The following PTPN2 variants were observed in gnomAD, a reference collection of about 807,000 sequenced individuals.
PTPN2 encodes the protein tyrosine-protein phosphatase non-receptor type 2.
PTPN2 carries 19 observed loss-of-function variants against 57.3 expected under a neutral mutation model. The ratio of observed to expected loss-of-function variants is 0.33; its 90% CI spans 0.23 to 0.49. PTPN2 has a LOEUF of 0.49. Ranked by LOEUF, PTPN2 falls within the 20% of genes least tolerant of loss-of-function variation. PTPN2 has a pLI of 0.99. For synonymous variants in PTPN2, 153 were observed against 164.9 expected (o/e 0.93, Z 0.55); for missense variants, 358 against 501.1 (o/e 0.71, Z 2.73).
At chr18:12,786,907 C>T (rs1187456713) in intron 9 of PTPN2, 1 of 152,128 alleles carries the variant, frequency 6.6e-6, no homozygotes, top group East Asian at 1.9e-4. Flanking sequence ...AATGTGAGCC[C>T]ACAACTACTA....
At chr18:12,857,919 T>A (rs2043650274) in intron 2 of PTPN2, among the ~76,000 whole-genome samples, 1 of 152,264 alleles carries the variant, frequency 6.6e-6, no homozygotes, top group South Asian at 2.1e-4. Context: ...TTTCAGAGAC[T>A]GCTTCTCATT....
At chr18:12,849,080 T>A (rs1011961200) in intron 2 of PTPN2, among the ~76,000 whole-genome samples, 3 of 152,224 alleles carry the variant, frequency 2.0e-5, no homozygotes, top group African/African-American at 4.8e-5. Flanking sequence ...TTTAAAACAA[T>A]GCTTTCATCA....
At chr18:12,841,031 C>A (rs1315662840) in intron 2 of PTPN2, 2 of 1,346,446 alleles carry the variant, frequency 1.5e-6, no homozygotes, top group East Asian at 5.2e-5. Context: ...AAAGGTAAGA[C>A]ATTATTTGTT....
At chr18:12,851,121 A>G (rs2043380125) in intron 2 of PTPN2, among the ~76,000 whole-genome samples, 1 of 152,256 alleles carries the variant, frequency 6.6e-6, no homozygotes. Context: ...AGTCCTAGAA[A>G]AATGTGCATT....
chr18:12,792,967 G>A lies in PTPN2; in HGVS notation c.*1311C>T, dbSNP rs540981674. 42 of 984,398 alleles carry A rather than the reference G, an allele frequency of 4.3e-5. No individual in the cohort carries two copies. The South Asian group carries it at 1.8e-3, about 43-fold the overall frequency. 61.0% of individuals were successfully genotyped at this position (984,398 alleles called of 1,614,324 possible). A position where few individuals can be genotyped will look rare whatever the true frequency, so the allele number is the denominator to read the frequency against. ...AGAAATCTTATGTGGCATATAAAGA[G>A]ACAAGGCAGAGATGCTGTGGTTGAA... On this transcript the variant is annotated 3_prime_UTR_variant, in exon 9 of 9. Coordinates refer to ENST00000309660, the MANE Select transcript of PTPN2 (RefSeq NM_002828.4).
At chr18:12,845,015 A>G (rs2043167456) in intron 2 of PTPN2, among the ~76,000 whole-genome samples, 1 of 152,164 alleles carries the variant, frequency 6.6e-6, no homozygotes, top group Non-Finnish European at 1.5e-5. Context: ...TGACTTATGT[A>G]TTTATCCCTC....
At chr18:12,867,391 T>C (rs533334453) in intron 1 of PTPN2, among the ~76,000 whole-genome samples, 1 of 152,188 alleles carries the variant, frequency 6.6e-6, no homozygotes, top group East Asian at 1.9e-4. Flanking sequence ...TTTGCCAATA[T>C]TTCTCAAGAA....
intron 8 of PTPN2, among the ~76,000 whole-genome samples, chr18:12,796,192 C>T (rs1247197509): frequency 1.3e-5 from 2 of 152,034 alleles, no homozygotes; most frequent in African/African-American, 4.8e-5. Flanking sequence ...TTAAAGGAGA[C>T]CAAAGAATCA....
chr18:12,846,664 TCTC>T (rs2043220059), intron 2 of PTPN2, among the ~76,000 whole-genome samples: 1 of 152,158 alleles, frequency 6.6e-6, no homozygotes, highest in Admixed American at 6.5e-5. Context: ...AAAGCTCTAT[TCTC>T]CTCCTAGTGG....
In PTPN2 at chr18:12,824,299, C is replaced by T. The variant is rs553111489; in HGVS notation, c.495+1511G>A. Among the ~76,000 whole-genome samples the T allele has an allele frequency of 7.2e-5, 11 of 152,220 alleles. No individual in the cohort carries two copies. In the East Asian group the frequency reaches 1.9e-3, roughly 27 times the overall value. ...TATAATAAGCTTAGTACGGATGTCA[C>T]GGGAAGCTGGACAGAAGGAAAACCA... On this transcript the variant is annotated intron_variant, in intron 5 of 8. Transcript: ENST00000309660.
intron 4 of PTPN2, among the ~76,000 whole-genome samples, chr18:12,827,551 C>CT (rs1165582627): frequency 2.0e-5 from 3 of 151,696 alleles, no homozygotes; most frequent in Non-Finnish European, 2.9e-5. Flanking sequence ...CACCTGGCTA[C>CT]TTTTTGTATT....
At chr18:12,817,071 A>G (rs1346761398) in intron 6 of PTPN2, 85 bp downstream of exon 6, 1 of 1,263,182 alleles carries the variant, frequency 7.9e-7, no homozygotes, top group Non-Finnish European at 1.1e-6. Context: ...TCTGGGATAC[A>G]GCATCAGAGT....
Position 12,870,441 on chromosome 18 carries a change from G to GTA in PTPN2, c.70-11189_70-11188dup, listed in dbSNP as rs577107678. Among the ~76,000 whole-genome samples, 82 of 24,570 alleles carry GTA rather than the reference G, an allele frequency of 3.3e-3. 2 individuals carry two copies. The highest frequency in any genetic ancestry group is 9.9e-3 in the Admixed American group (15 of 1,522). 16.1% of individuals were successfully genotyped at this position (24,570 alleles called of 152,430 possible). ...TATATATATACGTATATATATATGT[G>GTA]TATATATATATATATATATATAGAG... On this transcript the variant is annotated intron_variant, in intron 1 of 8. Coordinates refer to ENST00000309660, the MANE Select transcript of PTPN2 (RefSeq NM_002828.4).
Position 12,870,329 on chromosome 18 carries a change from A to G in PTPN2, c.70-11075T>C, listed in dbSNP as rs555213974. Among the ~76,000 whole-genome samples, 29 of 71,814 alleles carry G rather than the reference A, an allele frequency of 4.0e-4. 2 individuals are homozygous for G. The highest frequency in any genetic ancestry group is 1.6e-3 in the African/African-American group (19 of 12,072). The allele number at this position is 71,814 out of a possible 152,430, so 47.1% of individuals were successfully genotyped here. Reference sequence around the variant, plus strand: ...TATATACATATATATGTGTATATATATGTATATATATACATATATATGTGT... The same window carrying G: ...TATATACATATATATGTGTATATATGTGTATATATATACATATATATGTGT... On this transcript the variant is annotated intron_variant, in intron 1 of 8. Coordinates refer to ENST00000309660, the MANE Select transcript of PTPN2 (RefSeq NM_002828.4).
Position 12,792,161 on chromosome 18 carries a change from A to T in PTPN2, c.*2117T>A. 1.2e-6 allele frequency: 1 copy of T among 867,432 alleles called. No homozygotes were observed. The highest frequency in any genetic ancestry group is 1.4e-6 in the Non-Finnish European group (1 of 721,966). 53.7% of individuals were successfully genotyped at this position (867,432 alleles called of 1,614,324 possible). A position where few individuals can be genotyped will look rare whatever the true frequency, so the allele number is the denominator to read the frequency against. On this transcript the variant is annotated 3_prime_UTR_variant, in exon 9 of 9. Transcript: ENST00000309660. ...TCAGGACACAGGCACATGTTATATA[A>T]ATCTTATTTAATATGTAGTACCACC... is the stretch of plus-strand genomic sequence containing the variant.
In PTPN2 at chr18:12,870,990, T is replaced by C. The variant is rs192638867; in HGVS notation, c.70-11736A>G. On this transcript the variant is annotated intron_variant, in intron 1 of 8. Coordinates refer to ENST00000309660, the MANE Select transcript of PTPN2 (RefSeq NM_002828.4). Reference sequence around the variant, plus strand: ...TTAGGTGATAACTGTAACCAGTGCCTTGTATATTTTCCGAGACATTCTATC... The same window carrying C: ...TTAGGTGATAACTGTAACCAGTGCCCTGTATATTTTCCGAGACATTCTATC... Among the ~76,000 whole-genome samples, 606 of 152,244 alleles carry C rather than the reference T, an allele frequency of 4.0e-3. 4 individuals are homozygous for C. Among genetic ancestry groups the C allele is most frequent in the African/African-American group, 0.014 (588 of 41,536 alleles).
At chr18:12,785,791 T>C (rs763195190) in exon 10 of PTPN2, 49 of 1,606,000 alleles carry the variant, frequency 3.1e-5, no homozygotes, top group Non-Finnish European at 4.0e-5. Flanking sequence ...GTTCAAAATT[T>C]ATAGCTGCAG....
chr18:12,819,431 G>C (rs1251309812), intron 5 of PTPN2: 1 of 400,194 alleles, frequency 2.5e-6, no homozygotes, highest in Admixed American at 4.7e-5. Context: ...TGACATTCTG[G>C]AAAAGGCAGA....
intron 5 of PTPN2, among the ~76,000 whole-genome samples, chr18:12,825,296 T>C (rs1289273321): frequency 1.3e-5 from 2 of 152,214 alleles, no homozygotes; most frequent in South Asian, 2.1e-4. Context: ...AGTTATTTTC[T>C]TGACTATTTT....
Sources: allele counts gnomAD v4.1 joint callset (sites outside exome capture counted in the v4.1 genomes callset), GRCh38; gene constraint gnomAD v4.1.1; transcripts MANE v1.5; gene names NCBI Gene and HGNC (gene_info 2026-07-23, HGNC 2026-07-21).